DLGAP2: variants seen among roughly 807,000 people sequenced by gnomAD.
The protein encoded by DLGAP2 is DLG associated protein 2.
Under a neutral mutation model 100.3 loss-of-function variants are expected in DLGAP2, and 26 were observed. The ratio of observed to expected loss-of-function variants is 0.26; its 90% confidence interval spans 0.19 to 0.36. The LOEUF (loss-of-function observed/expected upper bound fraction) is 0.36. DLGAP2 is among the 10% of genes least tolerant of loss of function. The probability of loss-of-function intolerance (pLI) is 1.00; values close to 1 mark genes in which losing one functional copy is unlikely to be tolerated. For missense variants in DLGAP2, 1,858 were observed against 1,453.2 expected, an observed-to-expected ratio of 1.28 and a Z score of -4.53; for synonymous variants, 886 against 630.1, an observed-to-expected ratio of 1.41 and a Z score of -6.08.
intron 2 of DLGAP2, among the ~76,000 whole-genome samples, chr8:1,028,137 G>A (rs1178307971): frequency 5.8e-5 from 8 of 137,512 alleles, no homozygotes; most frequent in Admixed American, 1.4e-4. Flanking sequence ...GGTGTCACGC[G>A]CCCGTTATTC....
At chr8:1,146,581 A>ACATGTGTGTGCACCTGCG (rs1343027594) in intron 2 of DLGAP2, among the ~76,000 whole-genome samples, 1 of 151,740 alleles carries the variant, frequency 6.6e-6, no homozygotes, top group Non-Finnish European at 1.5e-5. Context: ...GTGTGTATGC[A>ACATGTGTGTGCACCTGCG]CATGTGTGTG....
At chr8:1,481,741 G>T (rs1025422553) in intron 3 of DLGAP2, among the ~76,000 whole-genome samples, 2 of 151,990 alleles carry the variant, frequency 1.3e-5, no homozygotes, top group African/African-American at 4.8e-5. Flanking sequence ...GCCTCCCAAA[G>T]TTCTGGGATT....
chr8:1,494,314 A>G (rs574961960), intron 3 of DLGAP2, among the ~76,000 whole-genome samples: 1 of 152,312 alleles, frequency 6.6e-6, no homozygotes, highest in Non-Finnish European at 1.5e-5. Context: ...TTTGGAGACA[A>G]CTTCCCCCTG....
chr8:767,511 C>A (rs2132600692), intron 1 of DLGAP2, among the ~76,000 whole-genome samples: 1 of 152,066 alleles, frequency 6.6e-6, no homozygotes, highest in South Asian at 2.1e-4. Context: ...CACCTGGCAC[C>A]CTGCCCGGCT....
intron 2 of DLGAP2, among the ~76,000 whole-genome samples, chr8:964,945 G>A (rs537132159): frequency 3.6e-4 from 54 of 150,910 alleles, no homozygotes; most frequent in Non-Finnish European, 6.5e-4. Context: ...TGTCGCCACC[G>A]CACACACGGC....
At position 935,373 on chromosome 8, in the gene DLGAP2, A is replaced by G. The variant is rs555144517; in HGVS notation, c.73+27407A>G. 2.6e-5 allele frequency among the ~76,000 whole-genome samples: 4 copies of G among 152,330 alleles called. No homozygotes were observed. In the South Asian group the frequency reaches 8.3e-4, roughly 32 times the overall value. ...CAGTCCAGAGGGTCTGTCCATGTAA[A>G]GCATTTTACATGCTGGATTTTGAAG... On this transcript the variant is annotated intron_variant, in intron 2 of 14. Coordinates refer to ENST00000637795, the MANE Select transcript of DLGAP2 (RefSeq NM_001346810.2).
rs145875761 is a variant in DLGAP2, at chr8:919,887, T to C, written c.73+11921T>C. Among the ~76,000 whole-genome samples, 58 of 152,316 alleles carry C rather than the reference T, an allele frequency of 3.8e-4. 1 individual carries two copies. Among genetic ancestry groups the C allele is most frequent in the African/African-American group, 7.0e-4 (29 of 41,578 alleles). On this transcript the variant is annotated intron_variant, in intron 2 of 14. Coordinates refer to ENST00000637795, the MANE Select transcript of DLGAP2 (RefSeq NM_001346810.2). The stretch of plus-strand genomic sequence containing the variant: ...CTAAGAAATGCCTTTAAAATGGAAA[T>C]GTCTTTGAAACCTGGGTAGCAGTTT...
At chr8:1,614,538 A>G (rs60945061) in intron 6 of DLGAP2, among the ~76,000 whole-genome samples, 1,991 of 152,318 alleles carry the variant, frequency 0.013, 40 homozygotes, top group African/African-American at 0.045. Context: ...TGCAGAAAAC[A>G]TGACTTACCG....
At chr8:1,045,932 C>T (rs1016002004) in intron 2 of DLGAP2, among the ~76,000 whole-genome samples, 31 of 152,106 alleles carry the variant, frequency 2.0e-4, no homozygotes, top group Admixed American at 3.3e-4. Context: ...TCAAGTTTAA[C>T]GGGGCTTGGG....
chr8:1,581,090 C>T (rs757704402), intron 6 of DLGAP2, among the ~76,000 whole-genome samples: 6 of 149,534 alleles, frequency 4.0e-5, no homozygotes, highest in Non-Finnish European at 7.4e-5. Flanking sequence ...ACACCACAGT[C>T]AAACTACCAG....
chr8:1,372,912 G>C (rs1226303702), intron 3 of DLGAP2, among the ~76,000 whole-genome samples: 4 of 152,202 alleles, frequency 2.6e-5, no homozygotes, highest in Admixed American at 1.3e-4. Context: ...CTAAAGATCC[G>C]TACGGGGCAC....
intron 3 of DLGAP2, among the ~76,000 whole-genome samples, chr8:1,359,338 G>T (rs2129648139): frequency 6.6e-6 from 1 of 152,370 alleles, no homozygotes; most frequent in Admixed American, 6.5e-5. Context: ...AGAGAGGCCA[G>T]GCACTCCGGC....
intron 2 of DLGAP2, among the ~76,000 whole-genome samples, chr8:908,955 C>T (rs1430851591): frequency 1.3e-5 from 2 of 151,660 alleles, no homozygotes; most frequent in Non-Finnish European, 2.9e-5. Flanking sequence ...TGTTGACTCA[C>T]CACTAAGAAT....
chr8:742,673 C>CT lies in DLGAP2; in HGVS notation c.18+4861dup, dbSNP rs796502502. The stretch of plus-strand genomic sequence containing the variant: ...TGTCACCGCACCCAACTAATTTTTA[C>CT]TTTTTTTTTTTTTGGTAGAGACGGA... On this transcript the variant is annotated intron_variant, in intron 1 of 14. Transcript: ENST00000637795. 1.4e-3 allele frequency among the ~76,000 whole-genome samples: 209 copies of CT among 145,258 alleles called. 2 individuals are homozygous for CT. The East Asian group carries it at 0.021, about 15-fold the overall frequency.
At chr8:1,484,453 G>A (rs191040643) in intron 3 of DLGAP2, among the ~76,000 whole-genome samples, 5 of 152,364 alleles carry the variant, frequency 3.3e-5, no homozygotes, top group East Asian at 1.9e-4. Context: ...TTAGGCCTGC[G>A]ACTGGACGGC....
chr8:1,179,438 C>T (rs543808258), intron 2 of DLGAP2, among the ~76,000 whole-genome samples: 2 of 131,366 alleles, frequency 1.5e-5, no homozygotes, highest in African/African-American at 5.0e-5. Context: ...AGGCTCAGCT[C>T]CCTGCTGTCC....
At chr8:1,520,827 C>T (rs534760237) in intron 4 of DLGAP2, among the ~76,000 whole-genome samples, 2 of 152,238 alleles carry the variant, frequency 1.3e-5, no homozygotes, top group African/African-American at 4.8e-5. Context: ...CATCTGTGTG[C>T]GGGTTGATGT....
chr8:1,626,856 G>C lies in DLGAP2; in HGVS notation c.1559G>C (p.Ser520Thr). Residue 520 changes from serine (S) to threonine (T), a missense_variant, in exon 7 of 15, where the codon AGC becomes ACC. Ser to Thr is a moderately conservative substitution (Grantham distance 58). Transcript: ENST00000637795. ...SRNQSYMRAV[S>T]TLSQASCVSQ... ...AACCAGAGCTACATGAGGGCCGTCA[G>C]CACCCTGAGCCAGGCCAGCTGCGTG... 1.9e-6 allele frequency: 3 copies of C among 1,606,338 alleles called. No individual in the cohort carries two copies. Among genetic ancestry groups the C allele is most frequent in the Non-Finnish European group, 1.7e-6 (2 of 1,176,672 alleles).
intron 2 of DLGAP2, among the ~76,000 whole-genome samples, chr8:1,093,760 G>A (rs1180446623): frequency 6.6e-6 from 1 of 152,258 alleles, no homozygotes; most frequent in East Asian, 1.9e-4. Flanking sequence ...CAACTCTCTG[G>A]GCACCATGGC....
Sources: gnomAD v4.1 joint callset for allele counts (sites outside exome capture counted in the v4.1 genomes callset) on GRCh38, gnomAD v4.1.1 for gene constraint, MANE v1.5 for transcripts, NCBI Gene and HGNC (gene_info 2026-07-23, HGNC 2026-07-21) for gene names.